The following VAX2 variants were observed in gnomAD, a reference collection of about 807,000 sequenced individuals.
VAX2 encodes ventral anterior homeobox 2.
In VAX2, 8 loss-of-function variants were observed where a neutral mutation model predicts 12.5. The observed-to-expected ratio is 0.64, with a 90% CI of 0.37 to 1.15. The LOEUF is 1.15. VAX2 is among the 50% of genes most tolerant of loss of function. The pLI is 0.01. For missense variants in VAX2, 476 were observed against 412.9 expected, an observed-to-expected ratio of 1.15 and a Z score of -1.32; for synonymous variants, 183 against 187.6, an observed-to-expected ratio of 0.98 and a Z score of 0.20.
chr2:70,908,465 G>A (rs548792550), intron 1 of VAX2, among the ~76,000 whole-genome samples: 1 of 152,242 alleles, frequency 6.6e-6, no homozygotes, highest in African/African-American at 2.4e-5. Context: ...ATATCTTGGG[G>A]TGTAAATAAC....
chr2:70,910,112 C>T (rs1679150267), intron 1 of VAX2, among the ~76,000 whole-genome samples: 1 of 151,740 alleles, frequency 6.6e-6, no homozygotes, highest in African/African-American at 2.4e-5. Context: ...TAAGAGTCCC[C>T]CCTTTTTAAG....
rs782437528 is a variant in VAX2 at position 70,904,163 on chromosome 2, C to T, written c.247+3295C>T. Among the ~76,000 whole-genome samples the T allele has an allele frequency of 3.3e-5, 5 of 152,364 alleles. No individual in the cohort carries two copies. The highest frequency in any genetic ancestry group is 6.5e-5 in the Admixed American group (1 of 15,310). On this transcript the variant is annotated intron_variant, in intron 1 of 2. Transcript: ENST00000234392. The surrounding 1 kb of genome is among the most constrained non-coding windows in gnomAD (Gnocchi z 4.2). ...GCCTGAGAAGGCCGCTCCACACCTC[C>T]GCGTGCACAGTCCCTAGACCAGTGA...
At chr2:70,915,797 A>G (rs1326509766) in intron 1 of VAX2, among the ~76,000 whole-genome samples, 4 of 152,120 alleles carry the variant, frequency 2.6e-5, no homozygotes, top group Non-Finnish European at 4.4e-5. Flanking sequence ...CTTTTATGAT[A>G]AACTCTATGA....
chr2:70,931,112 A>G (rs1553414247), intron 2 of VAX2, among the ~76,000 whole-genome samples: 1 of 152,120 alleles, frequency 6.6e-6, no homozygotes, highest in East Asian at 1.9e-4. Flanking sequence ...CCTTCCTCCC[A>G]TGAGGTTTTG....
At chr2:70,910,975 C>T (rs1041959429) in intron 1 of VAX2, among the ~76,000 whole-genome samples, 2 of 151,836 alleles carry the variant, frequency 1.3e-5, no homozygotes, top group Non-Finnish European at 2.9e-5. Flanking sequence ...ATTATATATG[C>T]ATACACAAAC....
intron 1 of VAX2, among the ~76,000 whole-genome samples, chr2:70,910,374 T>C (rs553301302): frequency 1.3e-5 from 2 of 152,280 alleles, no homozygotes; most frequent in South Asian, 4.1e-4. Context: ...GATAAATTCC[T>C]AGAAGCAAAC....
intron 1 of VAX2, among the ~76,000 whole-genome samples, chr2:70,914,023 C>A (rs547614113): frequency 6.6e-6 from 1 of 152,172 alleles, no homozygotes; most frequent in Non-Finnish European, 1.5e-5. Flanking sequence ...ATTTGTTCAG[C>A]CATTTCTCTT....
chr2:70,905,305 T>G (rs180920785), intron 1 of VAX2, among the ~76,000 whole-genome samples: 2 of 152,252 alleles, frequency 1.3e-5, no homozygotes, highest in East Asian at 3.9e-4. Context: ...TATTTTTTGG[T>G]TTTAGCATTT....
At chr2:70,932,741 CT>C (rs782647484) in intron 2 of VAX2, 25 bp from the exon 3 acceptor site, 1 of 1,503,580 alleles carries the variant, frequency 6.7e-7, no homozygotes, top group Non-Finnish European at 8.9e-7. Flanking sequence ...CATCTCCCTC[CT>C]TGACACCCCC....
chr2:70,914,451 A>C (rs554483615), intron 1 of VAX2, among the ~76,000 whole-genome samples: 271 of 152,314 alleles, frequency 1.8e-3, no homozygotes, highest in African/African-American at 6.4e-3. Flanking sequence ...ACTCTATCTC[A>C]AAAAATAAAA....
chr2:70,912,750 G>C (rs191520087), intron 1 of VAX2, among the ~76,000 whole-genome samples: 1 of 152,080 alleles, frequency 6.6e-6, no homozygotes, highest in Non-Finnish European at 1.5e-5. Context: ...CTTTGGAGGT[G>C]GGGGGGATGT....
intron 2 of VAX2, among the ~76,000 whole-genome samples, chr2:70,925,490 T>C (rs1023231877): frequency 2.0e-5 from 3 of 152,110 alleles, no homozygotes; most frequent in Non-Finnish European, 4.4e-5. Context: ...AGAAGCAAGA[T>C]GGTGGGAGCA....
intron 1 of VAX2, among the ~76,000 whole-genome samples, chr2:70,912,691 C>T (rs1003111887): frequency 3.3e-5 from 5 of 152,082 alleles, no homozygotes; most frequent in African/African-American, 7.2e-5. Flanking sequence ...ATCAGCTTAT[C>T]GTGCAAAGAG....
At chr2:70,905,864 G>C (rs186010791) in intron 1 of VAX2, among the ~76,000 whole-genome samples, 3 of 152,192 alleles carry the variant, frequency 2.0e-5, no homozygotes, top group African/African-American at 7.2e-5. Flanking sequence ...CCTCTTTTGC[G>C]CAGCACCGGT....
At chr2:70,917,573 T>C (rs1679337695) in intron 1 of VAX2, among the ~76,000 whole-genome samples, 1 of 152,178 alleles carries the variant, frequency 6.6e-6, no homozygotes, top group Non-Finnish European at 1.5e-5. Flanking sequence ...TGTTTCTTAT[T>C]GCAGCTTTAA....
chr2:70,919,713 G>A (rs1399858313), intron 1 of VAX2, among the ~76,000 whole-genome samples: 4 of 152,022 alleles, frequency 2.6e-5, no homozygotes, highest in South Asian at 2.1e-4. Flanking sequence ...TTAGCAGGGC[G>A]TGGTGGTGTG....
chr2:70,914,813 T>C (rs1679273133), intron 1 of VAX2, among the ~76,000 whole-genome samples: 1 of 151,822 alleles, frequency 6.6e-6, no homozygotes, highest in Non-Finnish European at 1.5e-5. Context: ...ATTTTTTTTT[T>C]TTTTTTTGAG....
chr2:70,921,249 T>G lies in VAX2; in HGVS notation c.399T>G (p.Thr133=). Residue 133 remains threonine (T), a synonymous_variant, in exon 2 of 3, where the codon ACT becomes ACG. Transcript: ENST00000234392. ...AGTATGTGGTGGGCCGCGAGCGCAC[T>G]GAGCTGGCCCGCCAGCTGAACCTCT... is the stretch of plus-strand genomic sequence containing the variant. The part of the protein sequence containing the change: ...RCQYVVGRER[T]ELARQLNLSE... 5.6e-6 allele frequency: 9 copies of G among 1,612,420 alleles called. No individual in the cohort carries two copies. The highest frequency in any genetic ancestry group is 7.6e-6 in the Non-Finnish European group (9 of 1,179,482).
chr2:70,905,825 G>A (rs1679045553), intron 1 of VAX2, among the ~76,000 whole-genome samples: 1 of 152,206 alleles, frequency 6.6e-6, no homozygotes, highest in African/African-American at 2.4e-5. Flanking sequence ...TGCACCCGCA[G>A]TCAGTCAAAG....
Sources: allele counts gnomAD v4.1 joint callset (sites outside exome capture counted in the v4.1 genomes callset), GRCh38; gene constraint gnomAD v4.1.1; non-coding constraint Gnocchi (gnomAD v3.1); transcripts MANE v1.5; gene names NCBI Gene and HGNC (gene_info 2026-07-23, HGNC 2026-07-21).